TBC1D19: variants seen among roughly 807,000 people sequenced by gnomAD.
TBC1D19 encodes TBC1 domain family, member 19.
TBC1D19 carries 60 observed loss-of-function variants against 89.0 expected under a neutral mutation model. The ratio of observed to expected loss-of-function variants is 0.67; its 90% CI spans 0.55 to 0.84. TBC1D19 has a LOEUF of 0.84. Among genes scored for constraint, TBC1D19 ranks in the 40% least tolerant of loss-of-function variants. The pLI is 0.00. For synonymous variants in TBC1D19, 189 were observed against 199.7 expected (o/e 0.95, Z 0.45); for missense variants, 500 against 610.8 (o/e 0.82, Z 1.91).
At chr4:26,608,978 A>G (rs922413736) in intron 1 of TBC1D19, among the ~76,000 whole-genome samples, 43 of 144,708 alleles carry the variant, frequency 3.0e-4, no homozygotes, top group African/African-American at 1.1e-3. Context: ...GCATGTTCTC[A>G]CTCATAGGTG....
chr4:26,709,754 T>A lies in TBC1D19; in HGVS notation c.955-8179T>A, dbSNP rs904737969. 1.5e-4 allele frequency among the ~76,000 whole-genome samples: 23 copies of A among 152,086 alleles called. 1 individual carries two copies. The highest frequency in any genetic ancestry group is 7.2e-4 in the Admixed American group (11 of 15,260). On this transcript the variant is annotated intron_variant, in intron 13 of 20. Transcript: ENST00000264866. Reference sequence around the variant, plus strand: ...GTAGACTCCAGAGTTCTAAAATAATTACAGCAGACAGTAGCTGCCAGTGCA... The same window carrying A: ...GTAGACTCCAGAGTTCTAAAATAATAACAGCAGACAGTAGCTGCCAGTGCA...
At chr4:26,600,740 C>G (rs966562587) in intron 1 of TBC1D19, among the ~76,000 whole-genome samples, 3 of 152,114 alleles carry the variant, frequency 2.0e-5, no homozygotes, top group African/African-American at 7.2e-5. Flanking sequence ...GTGAGAGAAA[C>G]CAGAGCAGGG....
intron 15 of TBC1D19, among the ~76,000 whole-genome samples, chr4:26,721,197 A>G (rs1365494534): frequency 1.3e-5 from 2 of 151,984 alleles, no homozygotes; most frequent in Non-Finnish European, 2.9e-5. Flanking sequence ...TACCTCTCCC[A>G]TAACTACCTA....
the TBC1D19 span, among the ~76,000 whole-genome samples, chr4:26,772,262 G>T: frequency 1.9e-3 from 293 of 151,884 alleles, 1 homozygote; most frequent in African/African-American, 6.8e-3. Flanking sequence ...GCTTTACCTC[G>T]CAGGTCTCAA....
intron 4 of TBC1D19, among the ~76,000 whole-genome samples, chr4:26,629,000 A>G (rs561796732): frequency 5.3e-5 from 8 of 152,236 alleles, no homozygotes; most frequent in Middle Eastern, 3.4e-3. Context: ...AAAGCTAGAA[A>G]TGATCTTGAC....
At chr4:26,802,497 G>C in the TBC1D19 span, among the ~76,000 whole-genome samples, 1 of 152,084 alleles carries the variant, frequency 6.6e-6, no homozygotes, top group South Asian at 2.1e-4. Context: ...AACTACTTGA[G>C]AGTCTGAGGC....
intron 1 of TBC1D19, among the ~76,000 whole-genome samples, chr4:26,605,731 T>G (rs1377662029): frequency 1.3e-5 from 2 of 152,202 alleles, no homozygotes; most frequent in East Asian, 3.9e-4. Context: ...TCCTGACTTT[T>G]TAATGATCGC....
chr4:26,673,929 G>A (rs1453761046), intron 11 of TBC1D19, 41 bp downstream of exon 11: 5 of 1,243,692 alleles, frequency 4.0e-6, no homozygotes, highest in Non-Finnish European at 5.6e-6. Context: ...TAGCTTTGGG[G>A]TATTTATTTT....
intron 16 of TBC1D19, among the ~76,000 whole-genome samples, chr4:26,736,504 C>T (rs974140797): frequency 6.6e-6 from 1 of 151,526 alleles, no homozygotes; most frequent in Non-Finnish European, 1.5e-5. Flanking sequence ...TGTAACTAAC[C>T]TGCACAATGT....
the TBC1D19 span, among the ~76,000 whole-genome samples, chr4:26,832,244 A>G: frequency 6.6e-6 from 1 of 152,282 alleles, no homozygotes; most frequent in East Asian, 1.9e-4. Flanking sequence ...CAGTAAAACA[A>G]TCCTTTTGCC....
the TBC1D19 span, among the ~76,000 whole-genome samples, chr4:26,783,050 A>T: frequency 1.3e-5 from 2 of 152,230 alleles, no homozygotes; most frequent in Admixed American, 1.3e-4. Flanking sequence ...ACACCTTGTG[A>T]CAACAAAAGA....
At chr4:26,793,326 C>T in the TBC1D19 span, among the ~76,000 whole-genome samples, 1 of 152,198 alleles carries the variant, frequency 6.6e-6, no homozygotes, top group African/African-American at 2.4e-5. Flanking sequence ...CAAATTCAAA[C>T]TCACTGAACA....
chr4:26,707,713 C>T (rs1474097656), intron 13 of TBC1D19, among the ~76,000 whole-genome samples: 2 of 151,598 alleles, frequency 1.3e-5, no homozygotes, highest in Non-Finnish European at 2.9e-5. Context: ...TGTGTATATT[C>T]CACAGCTATT....
At chr4:26,675,766 A>G (rs1271289168) in intron 11 of TBC1D19, among the ~76,000 whole-genome samples, 1 of 152,198 alleles carries the variant, frequency 6.6e-6, no homozygotes, top group Non-Finnish European at 1.5e-5. Context: ...GAGGAGTTAG[A>G]CATAAATGGA....
chr4:26,662,346 AATAC>A (rs921990148), intron 8 of TBC1D19, among the ~76,000 whole-genome samples: 1 of 152,238 alleles, frequency 6.6e-6, no homozygotes, highest in African/African-American at 2.4e-5. Flanking sequence ...TATGCCAAAA[AATAC>A]ATATCAATAG....
intron 18 of TBC1D19, among the ~76,000 whole-genome samples, chr4:26,748,184 G>A (rs557810611): frequency 5.1e-4 from 78 of 152,276 alleles, no homozygotes; most frequent in African/African-American, 1.9e-3. Flanking sequence ...GAGTAAAGGA[G>A]GACCCAGCAT....
chr4:26,672,475 T>C (rs951016985), intron 10 of TBC1D19, among the ~76,000 whole-genome samples: 1 of 151,976 alleles, frequency 6.6e-6, no homozygotes, highest in Non-Finnish European at 1.5e-5. Flanking sequence ...CATTCGGCAG[T>C]AGAATTTCAT....
intron 15 of TBC1D19, among the ~76,000 whole-genome samples, chr4:26,734,692 C>A (rs1717855649): frequency 6.6e-6 from 1 of 152,062 alleles, no homozygotes; most frequent in Admixed American, 6.6e-5. Flanking sequence ...TTCTGTAAAG[C>A]AAATGTTTTC....
chr4:26,683,073 A>C (rs1288010825), intron 11 of TBC1D19, among the ~76,000 whole-genome samples: 1 of 152,152 alleles, frequency 6.6e-6, no homozygotes. Context: ...TCTAATATTA[A>C]AAGCTGACTT....
Sources: allele counts gnomAD v4.1 joint callset (sites outside exome capture counted in the v4.1 genomes callset), GRCh38; gene constraint gnomAD v4.1.1; transcripts MANE v1.5; gene names NCBI Gene and HGNC (gene_info 2026-07-23, HGNC 2026-07-21).